Variants in PCDH15 observed in about 807,000 individuals in gnomAD.
PCDH15 encodes the protein protocadherin-15.
In PCDH15, 129 loss-of-function variants were observed where a neutral mutation model predicts 178.5. That is an observed-to-expected ratio of 0.72 (90% confidence interval 0.63 to 0.84). The LOEUF is 0.84. Among genes scored for constraint, PCDH15 ranks in the 40% least tolerant of loss-of-function variants. PCDH15 has a pLI of 0.00. For synonymous variants in PCDH15, 800 were observed against 732.0 expected, an observed-to-expected ratio of 1.09 and a Z score of -1.50; for missense variants, 2,230 against 2,099.9, an observed-to-expected ratio of 1.06 and a Z score of -1.21.
intron 1 of PCDH15, among the ~76,000 whole-genome samples, chr10:54,701,075 T>C (rs912786898): frequency 2.0e-5 from 3 of 152,060 alleles, no homozygotes; most frequent in Non-Finnish European, 2.9e-5. Context: ...ATTTTTTAAG[T>C]GATAATGCTT....
chr10:54,252,722 A>G (rs150107251), intron 8 of PCDH15, among the ~76,000 whole-genome samples: 1,909 of 152,232 alleles, frequency 0.013, 16 homozygotes, highest in African/African-American at 0.026. Flanking sequence ...CGATTCATAT[A>G]TCAGATTAGA....
intron 28 of PCDH15, among the ~76,000 whole-genome samples, chr10:53,855,204 A>G (rs1317146089): frequency 6.6e-6 from 1 of 152,098 alleles, no homozygotes; most frequent in Non-Finnish European, 1.5e-5. Context: ...GACTATAATA[A>G]TAACATTAGA....
chr10:55,424,239 T>G (rs1486558711), intron 2 of PCDH15, among the ~76,000 whole-genome samples: 1 of 152,088 alleles, frequency 6.6e-6, no homozygotes, highest in Non-Finnish European at 1.5e-5. Context: ...GCTATTGGTG[T>G]GGTTGGGATA....
intron 2 of PCDH15, among the ~76,000 whole-genome samples, chr10:55,371,678 T>C (rs1274169758): frequency 1.3e-5 from 2 of 152,128 alleles, no homozygotes; most frequent in African/African-American, 2.4e-5. Context: ...ACCATGATTG[T>C]ATGTTTCCTG....
At chr10:54,615,626 T>C (rs1267268004) in intron 2 of PCDH15, among the ~76,000 whole-genome samples, 1 of 151,956 alleles carries the variant, frequency 6.6e-6, no homozygotes, top group African/African-American at 2.4e-5. Flanking sequence ...TCTATCTCTA[T>C]AAAAACATCA....
chr10:53,912,159 C>A (rs771966688), intron 25 of PCDH15, among the ~76,000 whole-genome samples: 2 of 152,244 alleles, frequency 1.3e-5, no homozygotes, highest in Middle Eastern at 3.4e-3. Flanking sequence ...AATCAATAAA[C>A]GTAATCCATC....
intron 2 of PCDH15, among the ~76,000 whole-genome samples, chr10:55,512,447 C>T (rs1840906658): frequency 1.3e-5 from 2 of 151,884 alleles, no homozygotes; most frequent in Non-Finnish European, 2.9e-5. Context: ...CAGTATCATG[C>T]CGTGGGCAAA....
intron 1 of PCDH15, among the ~76,000 whole-genome samples, chr10:55,257,091 G>A (rs1179867387): frequency 5.3e-5 from 8 of 152,164 alleles, no homozygotes; most frequent in African/African-American, 7.2e-5. Context: ...TGCAGCCTCC[G>A]CTGCTGAATA....
At chr10:54,623,537 AT>A (rs1218357770) in intron 2 of PCDH15, among the ~76,000 whole-genome samples, 2 of 151,998 alleles carry the variant, frequency 1.3e-5, no homozygotes, top group Non-Finnish European at 2.9e-5. Flanking sequence ...ACTGATTGTT[AT>A]TGTTATTTTT....
At chr10:54,730,757 A>C in intron 1 of PCDH15, among the ~76,000 whole-genome samples, 1 of 151,462 alleles carries the variant, frequency 6.6e-6, no homozygotes, top group Non-Finnish European at 1.5e-5. Context: ...CAAAAATCAA[A>C]TAAAAATAAA....
chr10:54,145,968 C>G (rs1053440125), intron 14 of PCDH15, among the ~76,000 whole-genome samples: 6 of 152,028 alleles, frequency 3.9e-5, no homozygotes, highest in African/African-American at 1.4e-4. Context: ...TAAAACTGCA[C>G]TTGTATTTAT....
At chr10:55,157,129 C>A (rs910757856) in intron 2 of PCDH15, among the ~76,000 whole-genome samples, 1 of 35,532 alleles carries the variant, frequency 2.8e-5, no homozygotes, top group East Asian at 7.4e-4. Context: ...CTATCTATAT[C>A]TATCTATCTA....
At chr10:54,195,301 T>C (rs7893192) in intron 11 of PCDH15, among the ~76,000 whole-genome samples, 35,085 of 152,064 alleles carry the variant, frequency 0.23, 6,065 homozygotes, top group African/African-American at 0.49. Context: ...GAAAAGTCTC[T>C]GAGAATCACA....
At chr10:54,139,985 T>G (rs2043242131) in intron 14 of PCDH15, among the ~76,000 whole-genome samples, 2 of 152,188 alleles carry the variant, frequency 1.3e-5, no homozygotes, top group Admixed American at 1.3e-4. Context: ...ATGGTCTGTG[T>G]AAGTCATATG....
At chr10:54,877,936 CTCTTTTTTTTTTTT>C (rs1954178001) in intron 3 of PCDH15, among the ~76,000 whole-genome samples, 4 of 104,352 alleles carry the variant, frequency 3.8e-5, no homozygotes, top group Admixed American at 1.1e-4. Flanking sequence ...CTCTCTCTCT[CTCTTTTTTTTTTTT>C]TTTTTTTTTT....
At chr10:54,112,970 AT>A (rs1331408767) in intron 15 of PCDH15, among the ~76,000 whole-genome samples, 2 of 152,140 alleles carry the variant, frequency 1.3e-5, no homozygotes, top group South Asian at 2.1e-4. Flanking sequence ...TCTGAAAATG[AT>A]TTAAGCTTAC....
At chr10:53,840,157 T>G (rs2077552061) in intron 29 of PCDH15, among the ~76,000 whole-genome samples, 163 bp downstream of exon 29, 1 of 136,710 alleles carries the variant, frequency 7.3e-6, no homozygotes, top group Non-Finnish European at 1.5e-5. Flanking sequence ...CCTGAAAACT[T>G]TAAGGCATGA....
At chr10:54,767,859 A>G (rs1948688226) in intron 1 of PCDH15, among the ~76,000 whole-genome samples, 1 of 152,144 alleles carries the variant, frequency 6.6e-6, no homozygotes, top group African/African-American at 2.4e-5. Flanking sequence ...AGTTAGGACA[A>G]CTAAATGTAA....
chr10:54,521,944 C>T (rs2082912781), intron 3 of PCDH15, among the ~76,000 whole-genome samples: 1 of 151,762 alleles, frequency 6.6e-6, no homozygotes, highest in South Asian at 2.1e-4. Flanking sequence ...AAAAATTAGC[C>T]AGGCATGGTG....
Sources: allele counts gnomAD v4.1 joint callset (sites outside exome capture counted in the v4.1 genomes callset), GRCh38; gene constraint gnomAD v4.1.1; transcripts MANE v1.5; gene names NCBI Gene and HGNC (gene_info 2026-07-23, HGNC 2026-07-21).